Variants in HMGB1 observed in about 807,000 individuals in gnomAD.
The protein encoded by HMGB1 is high mobility group protein B1.
For missense variants in HMGB1, 79 were observed against 253.5 expected, an observed-to-expected ratio of 0.31 and a Z score of 4.67; for synonymous variants, 81 against 84.0, an observed-to-expected ratio of 0.96 and a Z score of 0.19.
At chr13:30,557,589 G>A (rs989566609) in intron 1 of HMGB1, among the ~76,000 whole-genome samples, 4 of 152,262 alleles carry the variant, frequency 2.6e-5, no homozygotes, top group Non-Finnish European at 2.9e-5. Context: ...GTAGATAAAA[G>A]GGCTTTGGAA....
Position 30,463,200 on chromosome 13 carries a change from T to C in HMGB1, c.296+7A>G. ...GTCTGGGAAGTAAAAACAGGCAAGA[T>C]ACTCACGGAGGCCTCTTGGGTGCAT... On this transcript the variant is annotated splice_region_variant and intron_variant, in intron 3 of 4. Transcript: ENST00000341423. The C allele has an allele frequency of 6.3e-7, 1 of 1,599,754 alleles. No homozygotes were observed. Among genetic ancestry groups the C allele is most frequent in the Non-Finnish European group, 8.5e-7 (1 of 1,177,182 alleles).
chr13:30,537,543 A>AT (rs1470126833), intron 1 of HMGB1, among the ~76,000 whole-genome samples: 3 of 151,068 alleles, frequency 2.0e-5, no homozygotes, highest in Non-Finnish European at 3.0e-5. Context: ...TAAAATGTGT[A>AT]TTTTTTAAAA....
intron 1 of HMGB1, among the ~76,000 whole-genome samples, chr13:30,550,537 C>T (rs1404349416): frequency 6.6e-6 from 1 of 152,206 alleles, no homozygotes; most frequent in Non-Finnish European, 1.5e-5. Context: ...GGGATTCTCT[C>T]TGTGTAACTA....
intron 1 of HMGB1, among the ~76,000 whole-genome samples, chr13:30,605,681 A>C (rs1350350693): frequency 6.6e-6 from 1 of 152,246 alleles, no homozygotes; most frequent in Non-Finnish European, 1.5e-5. Context: ...AGCCATAAAC[A>C]ATGATACATT....
In HMGB1 at chr13:30,489,973, G is replaced by A. The variant is rs1393514300; in HGVS notation, c.-14-26279C>T. ...ACTCCTGACCCCAAGTGATCCGCCT[G>A]CCCCGGCCTCCCAGAATGTTGGGAT... On this transcript the variant is annotated intron_variant, in intron 1 of 4. Coordinates refer to the HMGB1 transcript ENST00000405805. 3.6e-5 allele frequency among the ~76,000 whole-genome samples: 5 copies of A among 139,604 alleles called. No homozygotes were observed. The East Asian group carries it at 1.1e-3, about 30-fold the overall frequency. 91.6% of individuals were successfully genotyped at this position (139,604 alleles called of 152,430 possible).
upstream of HMGB1, chr13:30,465,984 C>G (rs1329486683): frequency 3.0e-6 from 3 of 985,250 alleles, no homozygotes; most frequent in Non-Finnish European, 3.6e-6. Context: ...ACTCACGGGG[C>G]TCGCTCATTG....
intron 1 of HMGB1, among the ~76,000 whole-genome samples, chr13:30,538,507 TTTC>T (rs1261751702): frequency 1.7e-5 from 2 of 119,200 alleles, no homozygotes; most frequent in African/African-American, 9.0e-5. Context: ...TCTTTCTTTC[TTTC>T]CTTTCTTTCT....
At chr13:30,519,273 G>A (rs1192613675) in intron 1 of HMGB1, among the ~76,000 whole-genome samples, 1 of 151,560 alleles carries the variant, frequency 6.6e-6, no homozygotes, top group Non-Finnish European at 1.5e-5. Flanking sequence ...CACATCTGTA[G>A]TCCCAGCTAC....
rs1256136453 is a variant in HMGB1, at chr13:30,459,595, CTTG to C, written c.*1759_*1761del. On this transcript the variant is annotated 3_prime_UTR_variant, in exon 5 of 5. Transcript: ENST00000341423. ...TTGCATGTATCTTGTTTTTAAAAAT[CTTG>C]TTTAAATCATTCTGAAAGTAAAACT... 2 of 152,232 alleles carry C rather than the reference CTTG, an allele frequency of 1.3e-5. No homozygotes were observed. The highest frequency in any genetic ancestry group is 2.1e-4 in the South Asian group (1 of 4,832). The allele number at this position is 152,232 out of a possible 1,614,324, so 9.4% of individuals were successfully genotyped here. A position where few individuals can be genotyped will look rare whatever the true frequency, so the allele number is the denominator to read the frequency against.
intron 1 of HMGB1, chr13:30,554,140 T>A: frequency 7.8e-7 from 1 of 1,274,590 alleles, no homozygotes; most frequent in Non-Finnish European, 1.1e-6. Context: ...ACACAGTACA[T>A]CTACTACGAT....
At chr13:30,512,192 GCC>G (rs1425992106) in intron 1 of HMGB1, among the ~76,000 whole-genome samples, 11 of 152,120 alleles carry the variant, frequency 7.2e-5, no homozygotes, top group Non-Finnish European at 1.5e-4. Flanking sequence ...TCAAAAGGAT[GCC>G]TGCTCTGTAA....
chr13:30,601,280 C>A (rs901165923), intron 1 of HMGB1, among the ~76,000 whole-genome samples: 1 of 152,228 alleles, frequency 6.6e-6, no homozygotes, highest in Non-Finnish European at 1.5e-5. Context: ...TCTTTTCTGA[C>A]TCAGCCCGCC....
intron 1 of HMGB1, among the ~76,000 whole-genome samples, chr13:30,517,998 G>A (rs1309365331): frequency 1.3e-5 from 2 of 152,148 alleles, no homozygotes; most frequent in African/African-American, 2.4e-5. Flanking sequence ...GACTGTTAGT[G>A]TAGTCAGAGA....
At chr13:30,481,832 TAA>T (rs1887234824) in intron 1 of HMGB1, among the ~76,000 whole-genome samples, 1 of 151,896 alleles carries the variant, frequency 6.6e-6, no homozygotes, top group African/African-American at 2.4e-5. Context: ...TAGGTATTCT[TAA>T]GTCTTTCTTT....
At chr13:30,511,980 G>A (rs891041177) in intron 1 of HMGB1, among the ~76,000 whole-genome samples, 3 of 152,096 alleles carry the variant, frequency 2.0e-5, no homozygotes, top group African/African-American at 7.2e-5. Context: ...AAGAGCTAAA[G>A]TTGTTACCTG....
chr13:30,604,714 G>A (rs1376598455), intron 1 of HMGB1, among the ~76,000 whole-genome samples: 2 of 152,198 alleles, frequency 1.3e-5, no homozygotes, highest in Non-Finnish European at 2.9e-5. Context: ...CTGGAGTGCA[G>A]TGGCGTGATC....
At chr13:30,470,301 A>G (rs1271784081), upstream of HMGB1, among the ~76,000 whole-genome samples, 1 of 152,236 alleles carries the variant, frequency 6.6e-6, no homozygotes, top group Non-Finnish European at 1.5e-5. Flanking sequence ...ATTGCAAATT[A>G]TTGTTTTAAC....
At chr13:30,584,583 A>T (rs1289296914) in intron 1 of HMGB1, among the ~76,000 whole-genome samples, 1 of 152,220 alleles carries the variant, frequency 6.6e-6, no homozygotes, top group Non-Finnish European at 1.5e-5. Context: ...CAAGTACTTA[A>T]TAAAAATTTG....
Position 30,463,198 on chromosome 13 carries a change from G to C in HMGB1, c.296+9C>G, listed in dbSNP as rs1275999930. On this transcript the variant is annotated intron_variant, in intron 3 of 4. Coordinates refer to ENST00000341423, the MANE Select transcript of HMGB1 (RefSeq NM_002128.7). ...GTGTCTGGGAAGTAAAAACAGGCAAGATACTCACGGAGGCCTCTTGGGTGC... is the reference window on the plus strand; with the variant it reads ...GTGTCTGGGAAGTAAAAACAGGCAACATACTCACGGAGGCCTCTTGGGTGC... The C allele has an allele frequency of 6.3e-7, 1 of 1,599,436 alleles. No homozygotes were observed. Among genetic ancestry groups the C allele is most frequent in the Non-Finnish European group, 8.5e-7 (1 of 1,177,102 alleles).
Sources: gnomAD v4.1 joint callset for allele counts (sites outside exome capture counted in the v4.1 genomes callset) on GRCh38, gnomAD v4.1.1 for gene constraint, MANE v1.5 for transcripts, NCBI Gene and HGNC (gene_info 2026-07-23, HGNC 2026-07-21) for gene names.